The following ANKRD44 variants were observed in gnomAD, a reference collection of about 807,000 sequenced individuals.
ANKRD44 encodes the protein ankyrin repeat domain 44.
In ANKRD44, 35 loss-of-function variants were observed where a neutral mutation model predicts 116.0. The observed-to-expected ratio is 0.30, with a 90% CI of 0.23 to 0.40. The LOEUF is 0.40. Ranked by LOEUF, ANKRD44 falls within the 10% of genes least tolerant of loss-of-function variation. The pLI, the probability that ANKRD44 is intolerant of heterozygous loss-of-function variation, is 1.00. For synonymous variants in ANKRD44, 435 were observed against 461.8 expected, an observed-to-expected ratio of 0.94 and a Z score of 0.74; for missense variants, 1,014 against 1,242.6, an observed-to-expected ratio of 0.82 and a Z score of 2.77.
chr2:197,133,674 T>A (rs974288756), intron 4 of ANKRD44, among the ~76,000 whole-genome samples: 4 of 152,214 alleles, frequency 2.6e-5, no homozygotes, highest in Non-Finnish European at 5.9e-5. Flanking sequence ...CATATATCCA[T>A]CTTGACAAGT....
intron 14 of ANKRD44, among the ~76,000 whole-genome samples, chr2:197,082,064 C>A (rs1431227724): frequency 2.0e-5 from 3 of 152,192 alleles, no homozygotes; most frequent in African/African-American, 7.2e-5. Context: ...TACCACATTC[C>A]CCACTGCCTC....
rs2081091710 is a variant in ANKRD44 at position 197,201,557 on chromosome 2, G to A, written c.28-14451C>T. The stretch of plus-strand genomic sequence containing the variant: ...CTCACCAACAATCCCCCTGACGTTG[G>A]CTCTGAATGATGTGGAGACCCTGTT... On this transcript the variant is annotated intron_variant, in intron 1 of 27. Transcript: ENST00000282272. This position sits in a 1 kb window ranked among gnomAD's most constrained non-coding sequence, Gnocchi z 4.0. Among the ~76,000 whole-genome samples the A allele has an allele frequency of 6.6e-6, 1 of 152,128 alleles. No homozygotes were observed. Among genetic ancestry groups the A allele is most frequent in the Admixed American group, 6.5e-5 (1 of 15,272 alleles).
intron 2 of ANKRD44, among the ~76,000 whole-genome samples, chr2:197,161,440 T>G (rs1239293454): frequency 6.6e-6 from 1 of 152,158 alleles, no homozygotes; most frequent in African/African-American, 2.4e-5. Context: ...GACTAACTAG[T>G]ATTTTTTCAC....
chr2:197,094,115 G>A (rs1335995539), intron 10 of ANKRD44, among the ~76,000 whole-genome samples: 1 of 152,196 alleles, frequency 6.6e-6, no homozygotes, highest in East Asian at 1.9e-4. Context: ...TGGGGTCTTT[G>A]AAGCTTTCCC....
intron 21 of ANKRD44, chr2:196,967,452 T>C (rs767545666): frequency 4.3e-6 from 2 of 467,004 alleles, no homozygotes; most frequent in South Asian, 1.6e-5. Context: ...ACAGCCTGAG[T>C]TGCCATTTAA....
At chr2:197,049,398 AC>A (rs2077063145) in intron 16 of ANKRD44, among the ~76,000 whole-genome samples, 1 of 152,162 alleles carries the variant, frequency 6.6e-6, no homozygotes, top group Admixed American at 6.6e-5. Flanking sequence ...CATAACATTT[AC>A]AAGTTCCCAG....
chr2:197,235,616 A>G (rs76505491), intron 1 of ANKRD44, among the ~76,000 whole-genome samples: 5 of 145,618 alleles, frequency 3.4e-5, no homozygotes, highest in African/African-American at 5.0e-5. Context: ...ACTCTGTCTA[A>G]AAAAAAAAAA....
At chr2:197,132,115 A>AT (rs1434223274) in intron 4 of ANKRD44, among the ~76,000 whole-genome samples, 1 of 152,170 alleles carries the variant, frequency 6.6e-6, no homozygotes, top group African/African-American at 2.4e-5. Flanking sequence ...AGAAAAAAAA[A>AT]GGAGAATGAG....
intron 18 of ANKRD44, among the ~76,000 whole-genome samples, chr2:197,010,575 G>A (rs753675995): frequency 1.1e-4 from 17 of 152,178 alleles, no homozygotes; most frequent in Admixed American, 3.3e-4. Context: ...CACAGGGGCT[G>A]GGAAGCAAAC....
intron 9 of ANKRD44, among the ~76,000 whole-genome samples, chr2:197,106,992 AT>A (rs147301615): frequency 0.055 from 8,350 of 152,174 alleles, 443 homozygotes; most frequent in African/African-American, 0.13. Flanking sequence ...TGGAATGCAA[AT>A]GAAATCTCTT....
chr2:197,016,926 A>T (rs2076403424), intron 17 of ANKRD44, among the ~76,000 whole-genome samples: 1 of 152,186 alleles, frequency 6.6e-6, no homozygotes, highest in East Asian at 1.9e-4. Context: ...AAACCATTTT[A>T]AAAACTAGGA....
intron 21 of ANKRD44, 95 bp from the exon 22 acceptor site, chr2:197,001,935 G>A: frequency 1.3e-6 from 1 of 794,980 alleles, no homozygotes; most frequent in South Asian, 1.7e-5. Flanking sequence ...TTTGGTTTAT[G>A]AATTTTCCTG....
intron 1 of ANKRD44, among the ~76,000 whole-genome samples, chr2:197,226,458 G>A (rs1336279175): frequency 6.6e-6 from 1 of 152,196 alleles, no homozygotes; most frequent in African/African-American, 2.4e-5. Flanking sequence ...GAGGTCAGGA[G>A]ATTGAGATCA....
At chr2:197,019,260 G>C (rs540059367) in intron 17 of ANKRD44, among the ~76,000 whole-genome samples, 15 of 152,348 alleles carry the variant, frequency 9.8e-5, no homozygotes, top group African/African-American at 3.6e-4. Context: ...TGCCTGGCTT[G>C]AGACAGGAGA....
chr2:197,097,723 G>A (rs1413580140), intron 10 of ANKRD44, among the ~76,000 whole-genome samples: 1 of 152,174 alleles, frequency 6.6e-6, no homozygotes, highest in Non-Finnish European at 1.5e-5. Flanking sequence ...CGTCTGGACC[G>A]CCTGCAGTAT....
At chr2:197,043,212 CT>C (rs1198624555) in intron 16 of ANKRD44, among the ~76,000 whole-genome samples, 1 of 152,224 alleles carries the variant, frequency 6.6e-6, no homozygotes, top group East Asian at 1.9e-4. Flanking sequence ...ACTTATCCTA[CT>C]ACCTCAATCC....
At chr2:197,104,085 CA>C (rs2125244373) in intron 9 of ANKRD44, among the ~76,000 whole-genome samples, 1 of 152,268 alleles carries the variant, frequency 6.6e-6, no homozygotes, top group Non-Finnish European at 1.5e-5. Context: ...AACATATTTA[CA>C]AATAGTCTTT....
At chr2:197,112,149 A>C (rs959738810) in intron 8 of ANKRD44, among the ~76,000 whole-genome samples, 5 of 152,192 alleles carry the variant, frequency 3.3e-5, no homozygotes, top group Non-Finnish European at 5.9e-5. Flanking sequence ...AATAGAGAGA[A>C]TGTATTTTCA....
At chr2:197,007,950 TA>T in intron 19 of ANKRD44, 27 bp from the exon 20 acceptor site, 2 of 1,530,276 alleles carry the variant, frequency 1.3e-6, no homozygotes, top group Non-Finnish European at 1.8e-6. Flanking sequence ...AGCAGGCTTT[TA>T]AAAAGGAGAT....
Sources: gnomAD v4.1 joint callset for allele counts (sites outside exome capture counted in the v4.1 genomes callset) on GRCh38, gnomAD v4.1.1 for gene constraint, Gnocchi (gnomAD v3.1) non-coding constraint, MANE v1.5 for transcripts, NCBI Gene and HGNC (gene_info 2026-07-23, HGNC 2026-07-21) for gene names.